The following CLSTN1 variants were observed in gnomAD, a reference collection of about 807,000 sequenced individuals.
The protein encoded by CLSTN1 is calsyntenin 1.
A neutral mutation model predicts 108.3 loss-of-function variants in CLSTN1; 28 were observed. The observed-to-expected ratio is 0.26, with a 90% CI of 0.19 to 0.35. The LOEUF is 0.35. CLSTN1 is among the 10% of genes least tolerant of loss of function. The pLI, the probability that CLSTN1 is intolerant of heterozygous loss-of-function variation, is 1.00. For synonymous variants in CLSTN1, 524 were observed against 534.9 expected, an observed-to-expected ratio of 0.98 and a Z score of 0.28; for missense variants, 1,157 against 1,302.6, an observed-to-expected ratio of 0.89 and a Z score of 1.72.
intron 9 of CLSTN1, 63 bp from the exon 10 acceptor site, chr1:9,741,319 T>C (rs1032836501): frequency 6.6e-7 from 1 of 1,505,634 alleles, no homozygotes; most frequent in Non-Finnish European, 9.1e-7. Context: ...TCAATGCCCA[T>C]GGAAACCAAG....
chr1:9,756,544 T>C (rs1392693501), intron 2 of CLSTN1, 34 bp from the exon 3 acceptor site: 1 of 1,596,302 alleles, frequency 6.3e-7, no homozygotes, highest in African/African-American at 1.3e-5. Context: ...ATGTCAGTAA[T>C]ACAGGAAAGA....
Position 9,734,041 on chromosome 1 carries a change from C to T in CLSTN1, c.2212G>A (p.Val738Met), listed in dbSNP as rs1043184829. The change falls in exon 15 of 19, where the codon GTG becomes ATG. Residue 738 changes from valine (V) to methionine (M), a missense_variant. By Grantham distance (21) the Val-to-Met change is conservative. Transcript: ENST00000377298. The surrounding 1 kb of genome is among the most constrained non-coding windows in gnomAD (Gnocchi z 4.8). ...ELNHEQESLEVDMARLQQKGI... is the reference protein window; with the variant it reads ...ELNHEQESLEMDMARLQQKGI... ...TTCTGCTGCAGGCGGGCCATGTCCA[C>T]CTCCAGGCTCTCCTGCTCGTGGTTC... 11 of 1,614,098 alleles carry T rather than the reference C, an allele frequency of 6.8e-6. No homozygotes were observed. The highest frequency in any genetic ancestry group is 3.3e-5 in the South Asian group (3 of 91,090).
At chr1:9,749,183 T>C (rs561686991) in intron 7 of CLSTN1, among the ~76,000 whole-genome samples, 1 of 152,226 alleles carries the variant, frequency 6.6e-6, no homozygotes, top group South Asian at 2.1e-4. Context: ...GAATTACAGG[T>C]ATAAGCCACC....
At chr1:9,805,399 C>G (rs953219339) in intron 1 of CLSTN1, among the ~76,000 whole-genome samples, 4 of 152,172 alleles carry the variant, frequency 2.6e-5, no homozygotes, top group Admixed American at 2.0e-4. Context: ...TCTTTCCCAA[C>G]TATATCTGTG....
intron 3 of CLSTN1, 104 bp downstream of exon 3, chr1:9,756,376 TA>T: frequency 1.1e-6 from 1 of 881,688 alleles, no homozygotes; most frequent in Non-Finnish European, 1.9e-6. Flanking sequence ...TAAATAAGGA[TA>T]AAAGAGCATG....
At chr1:9,797,662 G>C (rs561120429) in intron 1 of CLSTN1, among the ~76,000 whole-genome samples, 4 of 152,156 alleles carry the variant, frequency 2.6e-5, no homozygotes, top group Admixed American at 2.6e-4. Flanking sequence ...AGAGAAGGCT[G>C]GCTGGTGGAG....
intron 15 of CLSTN1, 78 bp from the exon 16 acceptor site, chr1:9,733,624 G>C: frequency 3.2e-6 from 5 of 1,566,512 alleles, no homozygotes; most frequent in Non-Finnish European, 4.4e-6. Context: ...GTCAGCACAG[G>C]CAGGCTCAAT....
chr1:9,792,858 G>A (rs1653828174), intron 1 of CLSTN1, among the ~76,000 whole-genome samples: 1 of 151,338 alleles, frequency 6.6e-6, no homozygotes, highest in African/African-American at 2.4e-5. Context: ...ATGTGTGAAT[G>A]TTGAGTAGTC....
chr1:9,798,998 AGT>A (rs1404058249), intron 1 of CLSTN1, among the ~76,000 whole-genome samples: 1 of 151,996 alleles, frequency 6.6e-6, no homozygotes, highest in Non-Finnish European at 1.5e-5. Context: ...CTGGCAACAA[AGT>A]GAGACCTCAT....
intron 7 of CLSTN1, among the ~76,000 whole-genome samples, chr1:9,748,594 C>T (rs538488257): frequency 9.2e-5 from 14 of 152,296 alleles, no homozygotes; most frequent in African/African-American, 3.4e-4. Flanking sequence ...CTCAAGCGAT[C>T]CTCCTCCCTC....
chr1:9,799,761 T>G (rs1654171931), intron 1 of CLSTN1, among the ~76,000 whole-genome samples: 1 of 151,576 alleles, frequency 6.6e-6, no homozygotes, highest in Non-Finnish European at 1.5e-5. Flanking sequence ...GCCAACATGG[T>G]GAAAACCCGT....
intron 17 of CLSTN1, 36 bp from the exon 18 acceptor site, chr1:9,731,426 T>C: frequency 1.9e-6 from 3 of 1,606,486 alleles, no homozygotes; most frequent in Non-Finnish European, 2.6e-6. Context: ...GCGAGGTCAC[T>C]CGGCCCAGAA....
At chr1:9,732,046 A>G in intron 16 of CLSTN1, 150 bp from the exon 17 acceptor site, 1 of 573,538 alleles carries the variant, frequency 1.7e-6, no homozygotes, top group Non-Finnish European at 2.5e-6. Flanking sequence ...GGAAAAGGAC[A>G]GAAAAAAAAA....
chr1:9,796,300 A>C lies in CLSTN1; in HGVS notation c.92-22906T>G, dbSNP rs142014496. 6.2e-3 allele frequency among the ~76,000 whole-genome samples: 924 copies of C among 149,488 alleles called. 20 individuals are homozygous for C. Among genetic ancestry groups the C allele is most frequent in the African/African-American group, 0.016 (659 of 40,450 alleles). On this transcript the variant is annotated intron_variant, in intron 1 of 18. Coordinates refer to ENST00000377298, the MANE Select transcript of CLSTN1 (RefSeq NM_001009566.3). The stretch of plus-strand genomic sequence containing the variant: ...AAACAAAAAACAAAACAAAACAAAA[A>C]AAAAAAAACAGGCATTTGACCTGGC...
intron 2 of CLSTN1, among the ~76,000 whole-genome samples, chr1:9,766,364 T>C (rs762830323): frequency 1.3e-5 from 2 of 152,036 alleles, no homozygotes; most frequent in Non-Finnish European, 2.9e-5. Flanking sequence ...ATATATAAAA[T>C]GTAAACAAAA....
intron 1 of CLSTN1, among the ~76,000 whole-genome samples, chr1:9,789,025 CTGGA>C (rs1432440657): frequency 1.3e-5 from 2 of 151,340 alleles, no homozygotes; most frequent in Non-Finnish European, 2.9e-5. Flanking sequence ...CTTTTCGAGG[CTGGA>C]TGATGTTCCG....
intron 1 of CLSTN1, among the ~76,000 whole-genome samples, chr1:9,783,532 C>A (rs1411713135): frequency 2.0e-5 from 3 of 150,252 alleles, no homozygotes; most frequent in African/African-American, 4.9e-5. Flanking sequence ...CCAGCTTGGC[C>A]AATGTGGTGA....
chr1:9,810,888 C>T (rs1440809071), intron 1 of CLSTN1, among the ~76,000 whole-genome samples: 6 of 152,048 alleles, frequency 3.9e-5, no homozygotes, highest in African/African-American at 1.5e-4. Flanking sequence ...CCTCTCTCCT[C>T]TCTGTTCTCT....
At position 9,751,588 on chromosome 1, in the gene CLSTN1, C is replaced by G. The variant is rs1651561319; in HGVS notation, c.534G>C (p.Gln178His). ...CCTCCACCCTCAAAATGCTGTCGTACTGCTTCCCCTCGATGACCGTGGCTT... is the reference window on the plus strand; with the variant it reads ...CCTCCACCCTCAAAATGCTGTCGTAGTGCTTCCCCTCGATGACCGTGGCTT... Reference protein sequence around the residue: ...SYKATVIEGKQYDSILRVEAV... With the variant: ...SYKATVIEGKHYDSILRVEAV... The change falls in exon 5 of 19, where the codon CAG (glutamine) becomes CAC (histidine). Residue 178 changes from glutamine to histidine, a missense_variant. Coordinates refer to ENST00000377298, the MANE Select transcript of CLSTN1 (RefSeq NM_001009566.3). 4 of 1,614,190 alleles carry G rather than the reference C, an allele frequency of 2.5e-6. No homozygotes were observed. Among genetic ancestry groups the G allele is most frequent in the Non-Finnish European group, 3.4e-6 (4 of 1,180,030 alleles).
Sources: gnomAD v4.1 joint callset for allele counts (sites outside exome capture counted in the v4.1 genomes callset) on GRCh38, gnomAD v4.1.1 for gene constraint, Gnocchi (gnomAD v3.1) non-coding constraint, MANE v1.5 for transcripts, NCBI Gene and HGNC (gene_info 2026-07-23, HGNC 2026-07-21) for gene names.